Variants in PDE4D observed in about 807,000 individuals in gnomAD.
PDE4D encodes the protein phosphodiesterase 4D.
In PDE4D, 24 loss-of-function variants were observed where a neutral mutation model predicts 87.4. That is an observed-to-expected ratio of 0.27 (90% confidence interval 0.20 to 0.39). The LOEUF (loss-of-function observed/expected upper bound fraction) is 0.39. PDE4D is among the 10% of genes least tolerant of loss of function. The pLI is 1.00. For missense variants in PDE4D, 714 were observed against 1,041.0 expected, an observed-to-expected ratio of 0.69 and a Z score of 4.32; for synonymous variants, 384 against 383.2, an observed-to-expected ratio of 1.00 and a Z score of -0.02.
intron 2 of PDE4D, among the ~76,000 whole-genome samples, chr5:60,139,482 C>T (rs1200506651): frequency 1.3e-5 from 2 of 151,902 alleles, no homozygotes; most frequent in Non-Finnish European, 2.9e-5. Flanking sequence ...AAGTTTAAAC[C>T]TATAAAAGGA....
chr5:59,827,177 G>A (rs1033372251), intron 1 of PDE4D, among the ~76,000 whole-genome samples: 1 of 152,006 alleles, frequency 6.6e-6, no homozygotes, highest in Non-Finnish European at 1.5e-5. Flanking sequence ...AGCAAGGTGA[G>A]CAATAGTAGT....
At chr5:60,130,900 T>C (rs1272867225) in intron 2 of PDE4D, among the ~76,000 whole-genome samples, 3 of 152,224 alleles carry the variant, frequency 2.0e-5, no homozygotes, top group Admixed American at 2.0e-4. Context: ...ATATGACTTG[T>C]CTATGGAGCA....
At chr5:60,016,852 G>T (rs1240661001) in intron 2 of PDE4D, among the ~76,000 whole-genome samples, 2 of 152,158 alleles carry the variant, frequency 1.3e-5, no homozygotes, top group African/African-American at 2.4e-5. Flanking sequence ...TTGATATCTT[G>T]ACCTCTTCCT....
chr5:60,248,724 C>A (rs530818305), intron 1 of PDE4D, among the ~76,000 whole-genome samples: 67 of 152,158 alleles, frequency 4.4e-4, no homozygotes, highest in African/African-American at 1.5e-3. Flanking sequence ...CAAGCTTCCA[C>A]TTCTTGCCCT....
intron 6 of PDE4D, among the ~76,000 whole-genome samples, chr5:59,030,265 T>C (rs532293950): frequency 1.3e-5 from 2 of 151,604 alleles, no homozygotes; most frequent in East Asian, 3.9e-4. Context: ...CAGGAGAAAA[T>C]ATCTGCAAAC....
intron 1 of PDE4D, among the ~76,000 whole-genome samples, chr5:60,402,039 A>C (rs1741137536): frequency 6.6e-6 from 1 of 152,212 alleles, no homozygotes; most frequent in South Asian, 2.1e-4. Flanking sequence ...ATCCAACATA[A>C]AACTTAAATT....
intron 1 of PDE4D, among the ~76,000 whole-genome samples, chr5:60,208,541 C>T (rs1175649774): frequency 2.0e-5 from 3 of 152,242 alleles, no homozygotes; most frequent in Non-Finnish European, 2.9e-5. Context: ...GACAATGGCT[C>T]CCCCTTAGAG....
At chr5:59,908,859 A>G (rs1408199393) in intron 3 of PDE4D, among the ~76,000 whole-genome samples, 2 of 152,180 alleles carry the variant, frequency 1.3e-5, no homozygotes, top group Non-Finnish European at 2.9e-5. Context: ...TAATTATTAG[A>G]ATACACTTGG....
chr5:60,081,490 C>T (rs564567458), intron 2 of PDE4D, among the ~76,000 whole-genome samples: 6 of 152,054 alleles, frequency 3.9e-5, no homozygotes, highest in African/African-American at 9.6e-5. Context: ...ATTAGGGTGT[C>T]GATTTGAGAT....
chr5:60,210,754 A>ATTT lies in PDE4D; in HGVS notation c.-89-25070_-89-25068dup, dbSNP rs36007402. Among the ~76,000 whole-genome samples, 786 of 145,948 alleles carry ATTT rather than the reference A, an allele frequency of 5.4e-3. 7 individuals are homozygous for ATTT. The highest frequency in any genetic ancestry group is 0.018 in the African/African-American group (728 of 39,778). On this transcript the variant is annotated intron_variant, in intron 1 of 16. Transcript: ENST00000502484. ...GGTATTATTTTTATAGGGTTTCCTAATTTTTTTTTTTTTTTCAGAAATATT... is the reference window on the plus strand; with the variant it reads ...GGTATTATTTTTATAGGGTTTCCTAATTTTTTTTTTTTTTTTTTCAGAAATATT...
At chr5:59,255,188 C>A (rs1332747227) in intron 1 of PDE4D, among the ~76,000 whole-genome samples, 1 of 151,932 alleles carries the variant, frequency 6.6e-6, no homozygotes, top group African/African-American at 2.4e-5. Context: ...AATAAATAAG[C>A]AAAATGTGGT....
At chr5:59,461,554 G>A (rs1403132159) in intron 1 of PDE4D, among the ~76,000 whole-genome samples, 1 of 152,088 alleles carries the variant, frequency 6.6e-6, no homozygotes, top group Non-Finnish European at 1.5e-5. Context: ...TGACCTTTTT[G>A]CCTGTAATCA....
rs541510022 is a variant in PDE4D at position 59,596,327 on chromosome 5, C to T, written c.455+296841G>A. On this transcript the variant is annotated intron_variant, in intron 1 of 14. Transcript: ENST00000340635. ...TTTAGAAAACCATGCAAGTTCAACACGAGAAATACAAAAAAAAAAAGAAAC... is the reference window on the plus strand; with the variant it reads ...TTTAGAAAACCATGCAAGTTCAACATGAGAAATACAAAAAAAAAAAGAAAC... Among the ~76,000 whole-genome samples the T allele has an allele frequency of 6.0e-5, 9 of 148,844 alleles. No individual in the cohort carries two copies. In the East Asian group the frequency reaches 1.8e-3, roughly 29 times the overall value.
chr5:60,120,601 C>T (rs1036293881), intron 2 of PDE4D, among the ~76,000 whole-genome samples: 2 of 152,116 alleles, frequency 1.3e-5, no homozygotes, highest in South Asian at 2.1e-4. Context: ...GTCAGGTGGG[C>T]AGCTGGGTTT....
At chr5:60,171,042 A>G (rs1783380435) in intron 2 of PDE4D, among the ~76,000 whole-genome samples, 2 of 152,050 alleles carry the variant, frequency 1.3e-5, no homozygotes, top group Admixed American at 1.3e-4. Flanking sequence ...ATACTTCAAA[A>G]TCACCTTACT....
At chr5:59,126,175 A>C (rs1203663184) in intron 5 of PDE4D, among the ~76,000 whole-genome samples, 1 of 152,042 alleles carries the variant, frequency 6.6e-6, no homozygotes, top group Non-Finnish European at 1.5e-5. Context: ...GGAAGGAAGG[A>C]AAAAAGGAAG....
intron 1 of PDE4D, among the ~76,000 whole-genome samples, chr5:59,807,411 G>A (rs1256320032): frequency 6.6e-6 from 1 of 152,202 alleles, no homozygotes; most frequent in Non-Finnish European, 1.5e-5. Context: ...TGTCACCAGT[G>A]TGCACAACCC....
In PDE4D at chr5:58,991,980, G is replaced by A. The variant is rs1036445401; in HGVS notation, c.1040C>T (p.Pro347Leu). The change falls in exon 8 of 15, where the codon CCT becomes CTT. Residue 347 changes from proline to leucine, a missense_variant. Transcript: ENST00000340635. ...CTCCTTTTCCTTCTGAGTTGGAGAAGGAATTTCCACTTCATGTTGCTTATC... is the reference window on the plus strand; with the variant it reads ...CTCCTTTTCCTTCTGAGTTGGAGAAAGAATTTCCACTTCATGTTGCTTATC... ...FLDKQHEVEI[P>L]SPTQKEKEKK... The A allele has an allele frequency of 1.3e-6, 2 of 1,580,586 alleles. No individual in the cohort carries two copies. The highest frequency in any genetic ancestry group is 2.7e-5 in the African/African-American group (2 of 73,766).
intron 1 of PDE4D, among the ~76,000 whole-genome samples, chr5:59,320,814 TTTC>T (rs1438147703): frequency 2.0e-5 from 3 of 151,702 alleles, no homozygotes; most frequent in East Asian, 3.9e-4. Flanking sequence ...TACTCCTTCT[TTTC>T]TTTTCTTCCT....
Sources: gnomAD v4.1 joint callset for allele counts (sites outside exome capture counted in the v4.1 genomes callset) on GRCh38, gnomAD v4.1.1 for gene constraint, MANE v1.5 for transcripts, NCBI Gene and HGNC (gene_info 2026-07-23, HGNC 2026-07-21) for gene names.